Variants in ETS1 observed in about 807,000 individuals in gnomAD.
The protein encoded by ETS1 is protein C-ets-1.
Under a neutral mutation model 58.6 loss-of-function variants are expected in ETS1, and 15 were observed. The observed-to-expected ratio is 0.26, with a 90% CI of 0.17 to 0.39. The LOEUF (loss-of-function observed/expected upper bound fraction) is 0.39, where lower values mean the gene tolerates loss of function less well. ETS1 is among the 10% of genes least tolerant of loss of function. ETS1 has a pLI of 1.00. For missense variants in ETS1, 417 were observed against 610.5 expected (o/e 0.68, Z 3.34); for synonymous variants, 214 against 218.2 (o/e 0.98, Z 0.17).
chr11:128,578,208 G>A (rs2135590090), intron 1 of ETS1, among the ~76,000 whole-genome samples: 1 of 152,184 alleles, frequency 6.6e-6, no homozygotes, highest in Middle Eastern at 3.4e-3. Context: ...AGCTTGCCAG[G>A]GCAGGGCAGG....
chr11:128,496,485 GACA>G (rs1276508057), intron 3 of ETS1, among the ~76,000 whole-genome samples: 1 of 152,098 alleles, frequency 6.6e-6, no homozygotes, highest in Non-Finnish European at 1.5e-5. Flanking sequence ...CCAAACTGCC[GACA>G]ACAAGTCCCA....
At chr11:128,528,133 AT>A (rs1863834766) in intron 3 of ETS1, among the ~76,000 whole-genome samples, 1 of 152,196 alleles carries the variant, frequency 6.6e-6, no homozygotes, top group South Asian at 2.1e-4. Flanking sequence ...AGTCACAGTG[AT>A]TTTATGTTCT....
chr11:128,488,664 T>C lies in ETS1; in HGVS notation c.535+626A>G, dbSNP rs190598775. Among the ~76,000 whole-genome samples, 3 of 152,338 alleles carry C rather than the reference T, an allele frequency of 2.0e-5. No homozygotes were observed. The East Asian group carries it at 5.8e-4, about 29-fold the overall frequency. On this transcript the variant is annotated intron_variant, in intron 5 of 9. Coordinates refer to ENST00000392668, the MANE Select transcript of ETS1 (RefSeq NM_001143820.2). ...TGCTGTTTCTATACTCAGCCAGGAC[T>C]GTGGTACATGAGTCACTTGGTCCAA... is the stretch of plus-strand genomic sequence containing the variant.
intron 3 of ETS1, among the ~76,000 whole-genome samples, chr11:128,510,907 G>A (rs1863375745): frequency 6.6e-6 from 1 of 152,160 alleles, no homozygotes; most frequent in African/African-American, 2.4e-5. Flanking sequence ...CCGGCCAGAG[G>A]GGCTTACGTT....
rs761175011 is a variant in ETS1 at position 128,573,081 on chromosome 11, G to T, written c.50C>A (p.Ala17Glu). 3.7e-6 allele frequency: 6 copies of T among 1,604,110 alleles called. No homozygotes were observed. The highest frequency in any genetic ancestry group is 2.7e-5 in the African/African-American group (2 of 74,876). ...ACTCACCACCACTGCAGGACGAGGC[G>T]CTGAGTAAGGGACGGGGCTGCTCCC... ...SAGSSPVPYSAPRPAVVRQGP... is the reference protein window; with the variant it reads ...SAGSSPVPYSEPRPAVVRQGP... The change falls in exon 2 of 10, where the codon GCG (alanine) becomes GAG (glutamate). Residue 17 changes from alanine to glutamate, a missense_variant. Physicochemically the swap from Ala to Glu is moderately radical, Grantham distance 107 (BLOSUM62 -1). Around this residue, in one of 4 missense-constraint regions of ETS1, gnomAD observed 90 missense variants for 90.3 expected, o/e 1.00. Coordinates refer to ENST00000392668, the MANE Select transcript of ETS1 (RefSeq NM_001143820.2).
intron 8 of ETS1, among the ~76,000 whole-genome samples, chr11:128,465,402 A>G (rs961446030): frequency 6.6e-6 from 1 of 152,226 alleles, no homozygotes; most frequent in Non-Finnish European, 1.5e-5. Flanking sequence ...ACCGTTTCGT[A>G]TTCAACTCAG....
chr11:128,519,906 T>G (rs924450456), intron 3 of ETS1, among the ~76,000 whole-genome samples: 1 of 152,206 alleles, frequency 6.6e-6, no homozygotes, highest in African/African-American at 2.4e-5. Flanking sequence ...TTTTTCAAGT[T>G]TTTGTCTTTA....
chr11:128,478,276 A>G (rs60106375), intron 8 of ETS1, among the ~76,000 whole-genome samples: 143,630 of 145,436 alleles, frequency 0.99, 70,920 homozygotes, highest in East Asian at 1. Flanking sequence ...AGGAGGGAGG[A>G]AGGGAGGAAG....
chr11:128,538,780 A>G (rs1302718611), intron 3 of ETS1, among the ~76,000 whole-genome samples: 18 of 114,118 alleles, frequency 1.6e-4, no homozygotes, highest in Non-Finnish European at 2.4e-4. Flanking sequence ...ACACACACAC[A>G]CACACACACA....
intron 8 of ETS1, among the ~76,000 whole-genome samples, chr11:128,478,359 AGG>A (rs1862384669): frequency 5.8e-5 from 1 of 17,224 alleles, no homozygotes; most frequent in Non-Finnish European, 9.6e-5. Context: ...GGAGGAAGGA[AGG>A]AGGAAGGAAG....
At chr11:128,570,484 C>G (rs1378739121) in intron 2 of ETS1, among the ~76,000 whole-genome samples, 1 of 151,982 alleles carries the variant, frequency 6.6e-6, no homozygotes, top group Admixed American at 6.5e-5. Flanking sequence ...TCAACTGATC[C>G]GCCCGCCTCA....
chr11:128,576,542 A>C (rs1243457939), intron 1 of ETS1, among the ~76,000 whole-genome samples: 1 of 152,076 alleles, frequency 6.6e-6, no homozygotes, highest in African/African-American at 2.4e-5. Context: ...TTGGGTGCAA[A>C]AATGATTTGG....
At chr11:128,568,811 G>T (rs1360962013) in intron 2 of ETS1, among the ~76,000 whole-genome samples, 1 of 152,188 alleles carries the variant, frequency 6.6e-6, no homozygotes, top group South Asian at 2.1e-4. Context: ...CAAGGACTCC[G>T]AGACTTAGCT....
At chr11:128,477,758 A>G (rs1163852092) in intron 8 of ETS1, among the ~76,000 whole-genome samples, 2 of 152,264 alleles carry the variant, frequency 1.3e-5, no homozygotes. Flanking sequence ...GGAGACAGTG[A>G]GCCCACATAC....
chr11:128,545,781 G>A (rs890873317), intron 3 of ETS1, among the ~76,000 whole-genome samples: 2 of 152,134 alleles, frequency 1.3e-5, no homozygotes, highest in Non-Finnish European at 2.9e-5. Context: ...AAGTTCCGAG[G>A]GATCTAAACC....
intron 3 of ETS1, among the ~76,000 whole-genome samples, chr11:128,496,816 T>C (rs1862955853): frequency 6.6e-6 from 1 of 152,078 alleles, no homozygotes; most frequent in Non-Finnish European, 1.5e-5. Context: ...GGTACTATAA[T>C]CCACAAAGCT....
At chr11:128,494,775 C>T (rs1436925739) in intron 3 of ETS1, among the ~76,000 whole-genome samples, 2 of 152,188 alleles carry the variant, frequency 1.3e-5, no homozygotes, top group African/African-American at 4.8e-5. Flanking sequence ...ACTGACCTCA[C>T]GAGTTTATGC....
At chr11:128,536,042 T>A (rs902130705) in intron 3 of ETS1, among the ~76,000 whole-genome samples, 1 of 152,238 alleles carries the variant, frequency 6.6e-6, no homozygotes, top group African/African-American at 2.4e-5. Flanking sequence ...AGACTCTGGC[T>A]GGCAGTAAGT....
At position 128,489,398 on chromosome 11, in the gene ETS1, A is replaced by G; in HGVS notation, c.427T>C (p.Cys143Arg). The G allele has an allele frequency of 6.2e-7, 1 of 1,614,214 alleles. No individual in the cohort carries two copies. Among genetic ancestry groups the G allele is most frequent in the Non-Finnish European group, 8.5e-7 (1 of 1,180,026 alleles). ...GCGCAGAGGGCTGCTCCATTCATACAGAACTTCTGGAAGTCTACACCTTTC... is the reference window on the plus strand; with the variant it reads ...GCGCAGAGGGCTGCTCCATTCATACGGAACTTCTGGAAGTCTACACCTTTC... Reference protein sequence around the residue: ...SLKGVDFQKFCMNGAALCALG... With the variant: ...SLKGVDFQKFRMNGAALCALG... The change falls in exon 5 of 10, where the codon TGT (cysteine) becomes CGT (arginine). Residue 143 changes from cysteine (C) to arginine (R), a missense_variant. Physicochemically the swap from Cys to Arg is radical, Grantham distance 180. Transcript: ENST00000392668.
Sources: gnomAD v4.1 joint callset for allele counts (sites outside exome capture counted in the v4.1 genomes callset) on GRCh38, gnomAD v4.1.1 for gene constraint, gnomAD v4.1.1 regional missense constraint, MANE v1.5 for transcripts, NCBI Gene and HGNC (gene_info 2026-07-23, HGNC 2026-07-21) for gene names.